The following SOX6 variants were observed in gnomAD, a reference collection of about 807,000 sequenced individuals.
The protein encoded by SOX6 is SRY-box transcription factor 6.
A neutral mutation model predicts 97.8 loss-of-function variants in SOX6; 11 were observed. The ratio of observed to expected loss-of-function variants is 0.11; its 90% CI spans 0.07 to 0.19. SOX6 has a LOEUF of 0.19. Among genes scored for constraint, SOX6 ranks in the 10% least tolerant of loss-of-function variants. SOX6 has a pLI of 1.00. For synonymous variants in SOX6, 360 were observed against 371.4 expected, an observed-to-expected ratio of 0.97 and a Z score of 0.35; for missense variants, 810 against 1,039.5, an observed-to-expected ratio of 0.78 and a Z score of 3.04.
chr11:16,653,802 T>A lies in SOX6; in HGVS notation n.430-41542A>T, dbSNP rs576537097. Among the ~76,000 whole-genome samples, 25 of 152,220 alleles carry A rather than the reference T, an allele frequency of 1.6e-4. 1 individual carries two copies. In the South Asian group the frequency reaches 3.5e-3, roughly 21 times the overall value. On this transcript the variant is annotated intron_variant and non_coding_transcript_variant, in intron 3 of 5. Transcript: ENST00000524520. The stretch of plus-strand genomic sequence containing the variant: ...TAAAATGAAATGCAACTTCTTCAAC[T>A]TGCTATTGCTGTCTAAAGTTTTACA...
chr11:16,043,169 A>G (rs1384856127), intron 12 of SOX6, among the ~76,000 whole-genome samples: 1 of 152,190 alleles, frequency 6.6e-6, no homozygotes, highest in African/African-American at 2.4e-5. Flanking sequence ...TCTCTATCTT[A>G]GAGATGTCAA....
chr11:16,239,388 A>G (rs1490027141), intron 3 of SOX6, among the ~76,000 whole-genome samples: 1 of 152,020 alleles, frequency 6.6e-6, no homozygotes, highest in Non-Finnish European at 1.5e-5. Context: ...GGCTGTTTTC[A>G]GGCCTGCTCT....
chr11:16,206,798 C>A (rs1479701435), intron 4 of SOX6, among the ~76,000 whole-genome samples: 3 of 152,130 alleles, frequency 2.0e-5, no homozygotes, highest in Non-Finnish European at 4.4e-5. Flanking sequence ...AATAAATTTA[C>A]ATAATCACAG....
At chr11:16,591,904 G>C (rs930666567) in intron 4 of SOX6, among the ~76,000 whole-genome samples, 1 of 152,036 alleles carries the variant, frequency 6.6e-6, no homozygotes, top group African/African-American at 2.4e-5. Context: ...AAGCCATGTA[G>C]CAAAGTAAAA....
At chr11:16,470,030 T>C (rs1590215401) in intron 1 of SOX6, among the ~76,000 whole-genome samples, 2 of 152,294 alleles carry the variant, frequency 1.3e-5, no homozygotes, top group East Asian at 3.9e-4. Context: ...TTAAAGTAGA[T>C]TTCTGGCCAC....
chr11:16,044,390 C>T (rs1855765258), intron 12 of SOX6, among the ~76,000 whole-genome samples: 3 of 152,126 alleles, frequency 2.0e-5, no homozygotes, highest in Non-Finnish European at 2.9e-5. Flanking sequence ...ATTATTCCAA[C>T]GTGAATAACT....
chr11:15,985,068 C>T (rs541403679), intron 15 of SOX6, among the ~76,000 whole-genome samples: 62 of 152,256 alleles, frequency 4.1e-4, no homozygotes, highest in African/African-American at 1.3e-3. Flanking sequence ...CCAAAGCCCA[C>T]GCTCCTCCCG....
At chr11:16,503,879 C>T (rs1860745691) in intron 4 of SOX6, among the ~76,000 whole-genome samples, 1 of 151,844 alleles carries the variant, frequency 6.6e-6, no homozygotes, top group Non-Finnish European at 1.5e-5. Flanking sequence ...TCCGTCTGTA[C>T]TAAAAATACA....
intron 12 of SOX6, among the ~76,000 whole-genome samples, chr11:16,032,618 T>C (rs1292821450): frequency 6.6e-6 from 1 of 151,098 alleles, no homozygotes; most frequent in African/African-American, 2.4e-5. Flanking sequence ...TTATCCTTTA[T>C]TCTCTCTCTC....
intron 9 of SOX6, among the ~76,000 whole-genome samples, chr11:16,084,003 C>T (rs976180937): frequency 5.9e-5 from 9 of 152,050 alleles, no homozygotes; most frequent in African/African-American, 2.2e-4. Context: ...TTTTCAATAA[C>T]ATGACATTTG....
chr11:16,495,070 G>A (rs1308783877), intron 4 of SOX6, among the ~76,000 whole-genome samples: 2 of 152,100 alleles, frequency 1.3e-5, no homozygotes, highest in Non-Finnish European at 2.9e-5. Flanking sequence ...CCTGCAGCCA[G>A]TCACTACTGC....
intron 6 of SOX6, among the ~76,000 whole-genome samples, chr11:16,177,219 T>A (rs1851215306): frequency 6.6e-6 from 1 of 151,962 alleles, no homozygotes; most frequent in Admixed American, 6.6e-5. Context: ...GTCTTCAACA[T>A]GGATAGCTAC....
chr11:16,434,321 C>A (rs897717699), intron 1 of SOX6: 1 of 152,000 alleles, frequency 6.6e-6, no homozygotes, highest in Non-Finnish European at 1.5e-5. Flanking sequence ...TCCTTTTTTA[C>A]CCTTGTCGAC....
intron 9 of SOX6, among the ~76,000 whole-genome samples, chr11:16,066,446 G>A (rs376040521): frequency 2.6e-4 from 40 of 152,228 alleles, no homozygotes; most frequent in African/African-American, 3.1e-4. Flanking sequence ...AGAGATATCC[G>A]CATCCCCATG....
intron 1 of SOX6, among the ~76,000 whole-genome samples, chr11:16,365,312 T>A (rs574370350): frequency 5.1e-4 from 78 of 151,638 alleles, no homozygotes; most frequent in African/African-American, 1.9e-3. Flanking sequence ...TGTGTTTGTG[T>A]GTGTGCATGC....
intron 1 of SOX6, chr11:16,402,634 T>G: frequency 6.2e-7 from 1 of 1,605,674 alleles, no homozygotes; most frequent in Non-Finnish European, 8.5e-7. Context: ...TTTCATTTTT[T>G]TTAACAAAAT....
At chr11:15,975,970 T>C (rs1564888876) in intron 15 of SOX6, among the ~76,000 whole-genome samples, 1 of 152,186 alleles carries the variant, frequency 6.6e-6, no homozygotes, top group Non-Finnish European at 1.5e-5. Flanking sequence ...CAATTTACTT[T>C]CTAGAGTGAG....
chr11:16,120,982 G>A (rs1032222816), intron 6 of SOX6, among the ~76,000 whole-genome samples: 1 of 152,062 alleles, frequency 6.6e-6, no homozygotes, highest in Admixed American at 6.6e-5. Flanking sequence ...TATATTCTGA[G>A]AGAAATGTTA....
At position 16,610,919 on chromosome 11, in the gene SOX6, C is replaced by G. The variant is rs954196531; in HGVS notation, n.609+1162G>C. Among the ~76,000 whole-genome samples, 2 of 152,308 alleles carry G rather than the reference C, an allele frequency of 1.3e-5. No individual in the cohort carries two copies. The highest frequency in any genetic ancestry group is 2.9e-5 in the Non-Finnish European group (2 of 68,034). On this transcript the variant is annotated intron_variant and non_coding_transcript_variant, in intron 4 of 5. Transcript: ENST00000524520. This position sits in a 1 kb window ranked among gnomAD's most constrained non-coding sequence, Gnocchi z 4.4. ...GGGCACCCAGGCACGGTGGCCAGAT[C>G]CAGGAACTCATAAGCTCACATCCCC...
Sources: gnomAD v4.1 joint callset for allele counts (sites outside exome capture counted in the v4.1 genomes callset) on GRCh38, gnomAD v4.1.1 for gene constraint, Gnocchi (gnomAD v3.1) non-coding constraint, MANE v1.5 for transcripts, NCBI Gene and HGNC (gene_info 2026-07-23, HGNC 2026-07-21) for gene names.